The following CORO1C variants were observed in gnomAD, a reference collection of about 807,000 sequenced individuals.
CORO1C encodes coronin-1C.
CORO1C carries 14 observed loss-of-function variants against 51.2 expected under a neutral mutation model. The observed-to-expected ratio is 0.27, with a 90% CI of 0.18 to 0.43. The LOEUF (loss-of-function observed/expected upper bound fraction) is 0.43. CORO1C is among the 20% of genes least tolerant of loss of function. The pLI is 1.00. For synonymous variants in CORO1C, 181 were observed against 210.5 expected, an observed-to-expected ratio of 0.86 and a Z score of 1.21; for missense variants, 417 against 607.8, an observed-to-expected ratio of 0.69 and a Z score of 3.30.
rs143115944 is a variant in CORO1C at position 108,658,818 on chromosome 12, G to A, written c.550C>T (p.Arg184Trp). 144 of 1,613,704 alleles carry A rather than the reference G, an allele frequency of 8.9e-5. No individual in the cohort carries two copies. The highest frequency in any genetic ancestry group is 5.6e-4 in the South Asian group (51 of 91,046). Reference sequence around the variant, plus strand: ...GCTGTGCAGATCAGACTGCCATTCCGGTTCCAGCTCACATTGTAAATCATG... The same window carrying A: ...GCTGTGCAGATCAGACTGCCATTCCAGTTCCAGCTCACATTGTAAATCATG... ...SDMIYNVSWN[R>W]NGSLICTASK... The change falls in exon 5 of 11, where the codon CGG becomes TGG. Residue 184 changes from arginine to tryptophan, a missense_variant. Physicochemically the swap from Arg to Trp is moderately radical, Grantham distance 101 (BLOSUM62 -3). Transcript: ENST00000261401. This position sits in a 1 kb window ranked among gnomAD's most constrained non-coding sequence, Gnocchi z 4.9.
rs368475426 is a variant in CORO1C, at chr12:108,648,615, G to A, written c.1295C>T (p.Thr432Met). ...TCCACTGGTCCTCACCACACTGGCC[G>A]TGTCTGTGGTTTTCTTGGGGATGCT... ...LISIPKKTTD[T>M]ASVQNEAKLD... The change falls in exon 10 of 11, where the codon ACG becomes ATG. Residue 432 changes from threonine to methionine, a missense_variant. By Grantham distance (81) the Thr-to-Met change is moderately conservative. Transcript: ENST00000261401. 14 of 1,614,066 alleles carry A rather than the reference G, an allele frequency of 8.7e-6. No homozygotes were observed. The highest frequency in any genetic ancestry group is 5.5e-5 in the South Asian group (5 of 91,088).
chr12:108,647,987 T>C (rs1217548786), intron 10 of CORO1C, among the ~76,000 whole-genome samples: 1 of 152,152 alleles, frequency 6.6e-6, no homozygotes, highest in Non-Finnish European at 1.5e-5. Context: ...CCTTGCCCTG[T>C]GTGTCCACTC....
At chr12:108,725,649 A>G (rs1181934586) in intron 1 of CORO1C, among the ~76,000 whole-genome samples, 2 of 152,192 alleles carry the variant, frequency 1.3e-5, no homozygotes, top group Non-Finnish European at 2.9e-5. Context: ...AGGTACCCAT[A>G]GCTCACTGTC....
intron 1 of CORO1C, among the ~76,000 whole-genome samples, chr12:108,713,066 T>C (rs898012801): frequency 1.3e-5 from 2 of 152,070 alleles, no homozygotes; most frequent in Non-Finnish European, 2.9e-5. Context: ...AACAGATTCA[T>C]ACATGAGACA....
intron 1 of CORO1C, among the ~76,000 whole-genome samples, chr12:108,703,619 C>T (rs1366858576): frequency 6.6e-6 from 1 of 152,202 alleles, no homozygotes; most frequent in East Asian, 1.9e-4. Context: ...CAAGGAGAAA[C>T]TGTGTGTCTC....
rs531228040 is a variant in CORO1C, at chr12:108,648,535, G to A, written c.1305+70C>T. 126 of 1,598,452 alleles carry A rather than the reference G, an allele frequency of 7.9e-5. 1 individual carries two copies. The African/African-American group carries it at 1.6e-3, about 21-fold the overall frequency. ...CTGGGACAGTACTCGCCGACGCCCT[G>A]GACCACAAGGGCTTTCTAGAGGATA... On this transcript the variant is annotated intron_variant, in intron 10 of 10. Coordinates refer to ENST00000261401, the MANE Select transcript of CORO1C (RefSeq NM_014325.4).
chr12:108,693,208 A>G (rs1464250390), intron 2 of CORO1C, among the ~76,000 whole-genome samples: 1 of 152,226 alleles, frequency 6.6e-6, no homozygotes, highest in Non-Finnish European at 1.5e-5. Context: ...CAGCAACCTA[A>G]GTTCTAATTC....
Position 108,652,339 on chromosome 12 carries a change from C to T in CORO1C, c.934G>A (p.Glu312Lys). The change falls in exon 8 of 11, where the codon GAG becomes AAG. Residue 312 changes from glutamate (E) to lysine (K), a missense_variant. Transcript: ENST00000261401. ...ATGTAACCCATCCCTCTCTGAGGCT[C>T]CTTGCTGCTGAATGTGTTGAGGTAG... is the stretch of plus-strand genomic sequence containing the variant. ...VHYLNTFSSK[E>K]PQRGMGYMPK... 1 of 1,613,994 alleles carries T rather than the reference C, an allele frequency of 6.2e-7. No individual in the cohort carries two copies. The highest frequency in any genetic ancestry group is 8.5e-7 in the Non-Finnish European group (1 of 1,179,848).
chr12:108,706,875 T>C (rs751031459), intron 1 of CORO1C, among the ~76,000 whole-genome samples: 1 of 152,210 alleles, frequency 6.6e-6, no homozygotes, highest in Non-Finnish European at 1.5e-5. Flanking sequence ...TGAGCTACCA[T>C]GCCTAGCCGT....
At chr12:108,711,110 C>G (rs534850110) in intron 1 of CORO1C, among the ~76,000 whole-genome samples, 1 of 152,162 alleles carries the variant, frequency 6.6e-6, no homozygotes, top group East Asian at 1.9e-4. Context: ...TAGTTGTACT[C>G]CCAGCATTCT....
chr12:108,659,849 T>C (rs1204912072), intron 4 of CORO1C, among the ~76,000 whole-genome samples: 2 of 152,222 alleles, frequency 1.3e-5, no homozygotes, highest in African/African-American at 2.4e-5. Context: ...GCTCTGATCA[T>C]GGTGAGAAGC....
rs773386133 is a variant in CORO1C, at chr12:108,678,296, G to A, written c.294C>T (p.Ser98=). 1.2e-5 allele frequency: 20 copies of A among 1,612,300 alleles called. No individual in the cohort carries two copies. The highest frequency in any genetic ancestry group is 6.7e-5 in the African/African-American group (5 of 74,796). ...WCPHNDQVIA[S]GSEDCTVMVW... is the part of the protein sequence containing the mutation. The stretch of plus-strand genomic sequence containing the variant: ...CCATGACCGTGCAGTCCTCTGAACC[G>A]CTGGCAATGACCTGATCGTTATGTG... Residue 98 remains serine (S), a synonymous_variant, in exon 3 of 11, where the codon AGC becomes AGT. Coordinates refer to ENST00000261401, the MANE Select transcript of CORO1C (RefSeq NM_014325.4).
chr12:108,687,358 G>A (rs572099856), intron 2 of CORO1C, among the ~76,000 whole-genome samples: 10 of 152,224 alleles, frequency 6.6e-5, no homozygotes, highest in South Asian at 6.2e-4. Context: ...GTAGTGGTGC[G>A]CACCTGTAGT....
intron 3 of CORO1C, among the ~76,000 whole-genome samples, chr12:108,677,358 C>G (rs1364312432): frequency 6.6e-6 from 1 of 152,216 alleles, no homozygotes; most frequent in Non-Finnish European, 1.5e-5. Flanking sequence ...TTGTTTCACA[C>G]ATAACCTACT....
At chr12:108,655,157 G>A (rs568222502) in intron 6 of CORO1C, among the ~76,000 whole-genome samples, 32 of 151,852 alleles carry the variant, frequency 2.1e-4, no homozygotes, top group Admixed American at 3.3e-4. Context: ...ATTTCCTTCC[G>A]ACACATGTAC....
In CORO1C at chr12:108,648,686, GTTC is replaced by G. The variant is rs752584961; in HGVS notation, c.1221_1223del (p.Lys407del). 1 of 1,614,160 alleles carries G rather than the reference GTTC, an allele frequency of 6.2e-7. No individual in the cohort carries two copies. Among genetic ancestry groups the G allele is most frequent in the African/African-American group, 1.3e-5 (1 of 75,030 alleles). ...TTGCAGTGGGCTTGCTATCCAGAAT[GTTC>G]TTCTTGACCACCTTGAGATCCCTGT... On this transcript the variant is annotated inframe_deletion, in exon 10 of 11. Coordinates refer to ENST00000261401, the MANE Select transcript of CORO1C (RefSeq NM_014325.4).
chr12:108,708,351 A>G (rs1351821802), intron 1 of CORO1C, among the ~76,000 whole-genome samples: 1 of 152,228 alleles, frequency 6.6e-6, no homozygotes, highest in Non-Finnish European at 1.5e-5. Context: ...ATGAATCTTA[A>G]AAACATTATA....
At chr12:108,709,960 C>T (rs2035133082) in intron 1 of CORO1C, among the ~76,000 whole-genome samples, 1 of 152,180 alleles carries the variant, frequency 6.6e-6, no homozygotes, top group Admixed American at 6.5e-5. Context: ...AAGTTATTCA[C>T]TAAGCAAATC....
rs7484423 is a variant in CORO1C at position 108,727,371 on chromosome 12, G to A, written c.-6+4058C>T. Among the ~76,000 whole-genome samples, 1,321 of 152,304 alleles carry A rather than the reference G, an allele frequency of 8.7e-3. 13 individuals carry two copies. Among genetic ancestry groups the A allele is most frequent in the South Asian group, 0.019 (90 of 4,824 alleles). ...AGTGGGATTCTAGAAGTAGAAAGGC[G>A]ATGAAGTAATAAATTCATCACAAGA... On this transcript the variant is annotated intron_variant, in intron 1 of 10. Transcript: ENST00000261401.
Sources: allele counts gnomAD v4.1 joint callset (sites outside exome capture counted in the v4.1 genomes callset), GRCh38; gene constraint gnomAD v4.1.1; non-coding constraint Gnocchi (gnomAD v3.1); transcripts MANE v1.5; gene names NCBI Gene and HGNC (gene_info 2026-07-23, HGNC 2026-07-21).